Variants in OCA2 observed in about 807,000 individuals in gnomAD.
The protein encoded by OCA2 is OCA2 melanosomal transmembrane protein.
Under a neutral mutation model 100.2 loss-of-function variants are expected in OCA2, and 77 were observed. The observed-to-expected ratio is 0.77, with a 90% CI of 0.64 to 0.93. The LOEUF (loss-of-function observed/expected upper bound fraction) is 0.93. OCA2 is among the 40% of genes least tolerant of loss of function. OCA2 has a pLI of 0.00. For synonymous variants in OCA2, 432 were observed against 439.2 expected (o/e 0.98, Z 0.21); for missense variants, 1,062 against 1,089.1 (o/e 0.98, Z 0.35).
intron 19 of OCA2, among the ~76,000 whole-genome samples, chr15:27,888,762 A>G (rs1320679498): frequency 2.0e-5 from 3 of 152,206 alleles, no homozygotes; most frequent in Non-Finnish European, 4.4e-5. Flanking sequence ...GTGTGTATAC[A>G]TATATATATT....
At position 27,787,058 on chromosome 15, in the gene OCA2, C is replaced by T. The variant is rs148211522; in HGVS notation, c.2433-31586G>A. 5.2e-3 allele frequency among the ~76,000 whole-genome samples: 786 copies of T among 151,920 alleles called. 7 individuals carry two copies. The highest frequency in any genetic ancestry group is 0.018 in the African/African-American group (749 of 41,452). On this transcript the variant is annotated intron_variant, in intron 23 of 23. Coordinates refer to ENST00000354638, the MANE Select transcript of OCA2 (RefSeq NM_000275.3). The stretch of plus-strand genomic sequence containing the variant: ...AGATAATTATGTGGGAGTTTTTTGC[C>T]CTTTATGCTATTAAAAGGAATAATT...
intron 19 of OCA2, among the ~76,000 whole-genome samples, chr15:27,916,331 C>T (rs2038662166): frequency 1.3e-5 from 2 of 152,134 alleles, no homozygotes; most frequent in South Asian, 2.1e-4. Context: ...TGCACATGTA[C>T]CCCCGAACCC....
At chr15:28,048,524 C>T (rs1004206975) in intron 2 of OCA2, among the ~76,000 whole-genome samples, 8 of 152,096 alleles carry the variant, frequency 5.3e-5, no homozygotes, top group Non-Finnish European at 7.3e-5. Context: ...CTACCTCACA[C>T]CCTATAAAAC....
chr15:27,811,134 C>A (rs1358437091), intron 23 of OCA2, among the ~76,000 whole-genome samples: 1 of 152,092 alleles, frequency 6.6e-6, no homozygotes, highest in Non-Finnish European at 1.5e-5. Context: ...GCCTACTGAC[C>A]ACTGAGTGGA....
intron 19 of OCA2, among the ~76,000 whole-genome samples, chr15:27,903,089 C>A (rs2140193515): frequency 6.6e-6 from 1 of 152,330 alleles, no homozygotes; most frequent in Middle Eastern, 3.4e-3. Context: ...TGAGAGAAGC[C>A]CCGAGATCTG....
chr15:27,786,045 T>C (rs1391579507), intron 23 of OCA2, among the ~76,000 whole-genome samples: 1 of 152,214 alleles, frequency 6.6e-6, no homozygotes, highest in Non-Finnish European at 1.5e-5. Flanking sequence ...GGAAAATCTA[T>C]AAATACAGAT....
the OCA2 span, among the ~76,000 whole-genome samples, chr15:27,747,218 A>G: frequency 5.0e-4 from 76 of 152,306 alleles, no homozygotes; most frequent in African/African-American, 1.7e-3. Context: ...TATGGCTGTG[A>G]CAGTCACATG....
chr15:27,728,274 C>A, the OCA2 span, among the ~76,000 whole-genome samples: 2 of 152,018 alleles, frequency 1.3e-5, no homozygotes, highest in African/African-American at 4.8e-5. Flanking sequence ...CTTTCAGAAA[C>A]AGAAGGAAAG....
At chr15:27,865,246 C>T (rs1263189594) in intron 21 of OCA2, among the ~76,000 whole-genome samples, 3 of 152,158 alleles carry the variant, frequency 2.0e-5, no homozygotes, top group South Asian at 2.1e-4. Context: ...CTCAGGCCCC[C>T]GCCAGCTCTC....
the OCA2 span, among the ~76,000 whole-genome samples, chr15:27,728,017 A>G: frequency 1.3e-5 from 2 of 152,156 alleles, no homozygotes; most frequent in African/African-American, 4.8e-5. Context: ...TCTCTCACAC[A>G]CGCCAAAGGC....
At chr15:27,964,386 T>C (rs1258957391) in intron 15 of OCA2, among the ~76,000 whole-genome samples, 1 of 152,230 alleles carries the variant, frequency 6.6e-6, no homozygotes, top group African/African-American at 2.4e-5. Context: ...CTGGTGATTA[T>C]TGTTCTTTTC....
chr15:28,071,348 G>T (rs2044255128), intron 2 of OCA2, among the ~76,000 whole-genome samples: 1 of 152,126 alleles, frequency 6.6e-6, no homozygotes, highest in Admixed American at 6.5e-5. Context: ...ACTGCCCAAA[G>T]CAATGTACAG....
rs987498934 is a variant in OCA2, at chr15:28,014,847, C to T, written c.973G>A (p.Gly325Arg). The T allele has an allele frequency of 9.3e-6, 15 of 1,613,984 alleles. No individual in the cohort carries two copies. The highest frequency in any genetic ancestry group is 1.7e-5 in the Admixed American group (1 of 60,000). The part of the protein sequence containing the change: ...PLLMAHQYLR[G>R]SVETQVTIAT... ...ATGGTCACCTGGGTTTCTACACTTC[C>T]GCGGAGGTACTGATGAGCCATCAAA... The change falls in exon 9 of 24, where the codon GGA (glycine) becomes AGA (arginine). Residue 325 changes from glycine to arginine, a missense_variant. Coordinates refer to ENST00000354638, the MANE Select transcript of OCA2 (RefSeq NM_000275.3).
At chr15:28,063,614 A>AG (rs2043940682) in intron 2 of OCA2, among the ~76,000 whole-genome samples, 1 of 152,118 alleles carries the variant, frequency 6.6e-6, no homozygotes, top group Non-Finnish European at 1.5e-5. Context: ...GATTACAATT[A>AG]TCATCTTAAA....
At chr15:27,905,345 G>C (rs2038134955) in intron 19 of OCA2, among the ~76,000 whole-genome samples, 1 of 152,128 alleles carries the variant, frequency 6.6e-6, no homozygotes, top group Non-Finnish European at 1.5e-5. Context: ...TAAAATATCT[G>C]AACTGAAAAG....
intron 3 of OCA2, among the ~76,000 whole-genome samples, 189 bp downstream of exon 3, chr15:28,031,876 G>A (rs2042915059): frequency 6.6e-6 from 1 of 152,152 alleles, no homozygotes; most frequent in African/African-American, 2.4e-5. Context: ...TTATGCTCAA[G>A]GCCATCTGGA....
At chr15:28,005,975 T>G (rs997521739) in intron 9 of OCA2, among the ~76,000 whole-genome samples, 2 of 152,122 alleles carry the variant, frequency 1.3e-5, no homozygotes, top group African/African-American at 2.4e-5. Flanking sequence ...CACACCCTGG[T>G]GAGAAATGTG....
intron 13 of OCA2, 107 bp from the exon 14 acceptor site, chr15:27,983,590 C>T: frequency 9.5e-7 from 1 of 1,053,460 alleles, no homozygotes; most frequent in South Asian, 1.3e-5. Flanking sequence ...GGGAGGCGCG[C>T]ACACACACAC....
At chr15:27,936,723 G>A (rs2140460270) in intron 18 of OCA2, among the ~76,000 whole-genome samples, 1 of 152,184 alleles carries the variant, frequency 6.6e-6, no homozygotes, top group South Asian at 2.1e-4. Flanking sequence ...CTCCAGATCT[G>A]CCCTCTCCCT....
Sources: gnomAD v4.1 joint callset for allele counts (sites outside exome capture counted in the v4.1 genomes callset) on GRCh38, gnomAD v4.1.1 for gene constraint, MANE v1.5 for transcripts, NCBI Gene and HGNC (gene_info 2026-07-23, HGNC 2026-07-21) for gene names.